Variants in NAALADL2 observed in about 807,000 individuals in gnomAD.
NAALADL2 encodes N-acetylated alpha-linked acidic dipeptidase like 2.
NAALADL2 carries 76 observed loss-of-function variants against 87.2 expected under a neutral mutation model. The observed-to-expected ratio is 0.87, with a 90% CI of 0.72 to 1.05. The LOEUF is 1.05. NAALADL2 is among the 50% of genes least tolerant of loss of function. NAALADL2 has a pLI of 0.00. For synonymous variants in NAALADL2, 354 were observed against 331.0 expected (o/e 1.07, Z -0.75); for missense variants, 1,089 against 945.8 (o/e 1.15, Z -1.99).
chr3:174,812,880 TA>T (rs1375255220), intron 3 of NAALADL2, among the ~76,000 whole-genome samples: 1 of 152,074 alleles, frequency 6.6e-6, no homozygotes, highest in African/African-American at 2.4e-5. Context: ...AGCTCTACAA[TA>T]TATTTATGTT....
Position 174,768,050 on chromosome 3 carries a change from G to A in NAALADL2, c.-9+30304G>A, listed in dbSNP as rs187387831. On this transcript the variant is annotated intron_variant, in intron 3 of 3. Transcript: ENST00000434257. ...ACATTTTGATGTAGGTTAAATAAAC[G>A]TACTAGGAGAAGCAAGTCACCCAAG... Among the ~76,000 whole-genome samples the A allele has an allele frequency of 2.1e-3, 322 of 152,238 alleles. 1 individual carries two copies. The highest frequency in any genetic ancestry group is 7.5e-3 in the African/African-American group (311 of 41,548).
At chr3:174,910,638 T>C (rs766119903) in intron 1 of NAALADL2, among the ~76,000 whole-genome samples, 11 of 152,048 alleles carry the variant, frequency 7.2e-5, no homozygotes, top group Non-Finnish European at 1.2e-4. Context: ...GATGACGCTC[T>C]GTGGAATAGT....
chr3:175,344,882 C>A (rs1415356053), intron 5 of NAALADL2, among the ~76,000 whole-genome samples: 1 of 152,034 alleles, frequency 6.6e-6, no homozygotes, highest in Non-Finnish European at 1.5e-5. Context: ...AACTTCATAA[C>A]AATAAATGAT....
chr3:175,758,308 T>C (rs1343599560), intron 13 of NAALADL2, among the ~76,000 whole-genome samples: 2 of 152,050 alleles, frequency 1.3e-5, no homozygotes, highest in South Asian at 2.1e-4. Flanking sequence ...TCTTTTGAAA[T>C]TGTGCTAAGC....
At chr3:175,332,656 G>A (rs912834572) in intron 5 of NAALADL2, among the ~76,000 whole-genome samples, 1 of 152,186 alleles carries the variant, frequency 6.6e-6, no homozygotes, top group African/African-American at 2.4e-5. Context: ...TTAACATATA[G>A]TCTTTCATGG....
intron 1 of NAALADL2, among the ~76,000 whole-genome samples, chr3:174,934,148 T>TCTA (rs570798309): frequency 6.6e-6 from 1 of 152,284 alleles, no homozygotes; most frequent in African/African-American, 2.4e-5. Context: ...ATTTAGTTCT[T>TCTA]CTACTACTAC....
chr3:174,486,517 G>A (rs766324090), intron 1 of NAALADL2, among the ~76,000 whole-genome samples: 6 of 152,088 alleles, frequency 3.9e-5, no homozygotes, highest in Middle Eastern at 3.4e-3. Context: ...AAGTTTCTGC[G>A]TGTGAATTTC....
chr3:174,826,028 A>AAACAACAACAAC (rs71624294), intron 3 of NAALADL2, among the ~76,000 whole-genome samples: 1 of 150,458 alleles, frequency 6.6e-6, no homozygotes, highest in Admixed American at 6.6e-5. Flanking sequence ...ACTCCATCTC[A>AAACAACAACAAC]AACAACAACA....
intron 5 of NAALADL2, among the ~76,000 whole-genome samples, chr3:175,418,916 C>T (rs533367209): frequency 1.3e-5 from 2 of 152,030 alleles, no homozygotes; most frequent in South Asian, 2.1e-4. Context: ...TCGAGAGCAA[C>T]GGCAGGCAAC....
At chr3:174,730,987 C>G (rs959467492) in intron 2 of NAALADL2, among the ~76,000 whole-genome samples, 3 of 151,976 alleles carry the variant, frequency 2.0e-5, no homozygotes, top group African/African-American at 7.2e-5. Context: ...TATTATAACA[C>G]AATTATAAAT....
At chr3:174,859,087 T>A (rs2109523105), upstream of NAALADL2, among the ~76,000 whole-genome samples, 1 of 152,256 alleles carries the variant, frequency 6.6e-6, no homozygotes, top group South Asian at 2.1e-4. Context: ...ATCAATGCTC[T>A]TTTAGGGGAA....
intron 11 of NAALADL2, among the ~76,000 whole-genome samples, chr3:175,639,186 C>T (rs1273630721): frequency 1.3e-5 from 2 of 152,072 alleles, no homozygotes; most frequent in Non-Finnish European, 2.9e-5. Context: ...AGTTAAGTAA[C>T]AGGAATTAAG....
At chr3:175,758,562 A>G (rs62286124) in intron 13 of NAALADL2, among the ~76,000 whole-genome samples, 14,507 of 151,904 alleles carry the variant, frequency 0.096, 733 homozygotes, top group African/African-American at 0.12. Flanking sequence ...TTTTCTTGAT[A>G]GATAATTCAC....
At chr3:175,520,095 A>G (rs1460941666) in intron 9 of NAALADL2, among the ~76,000 whole-genome samples, 2 of 152,154 alleles carry the variant, frequency 1.3e-5, no homozygotes, top group Non-Finnish European at 2.9e-5. Flanking sequence ...GCACATGTGG[A>G]AAGCTCTAGA....
intron 3 of NAALADL2, among the ~76,000 whole-genome samples, chr3:174,810,916 C>T (rs1242446070): frequency 8.5e-5 from 13 of 152,190 alleles, no homozygotes; most frequent in African/African-American, 2.4e-4. Flanking sequence ...CCACCCTGTG[C>T]AGCCTTAGGC....
intron 10 of NAALADL2, among the ~76,000 whole-genome samples, chr3:175,587,344 T>C (rs1720681014): frequency 6.6e-6 from 1 of 152,316 alleles, no homozygotes; most frequent in East Asian, 1.9e-4. Flanking sequence ...AAACTCATAA[T>C]GTTAAAGGGT....
At chr3:175,203,640 G>T (rs148068377) in intron 2 of NAALADL2, among the ~76,000 whole-genome samples, 6 of 152,194 alleles carry the variant, frequency 3.9e-5, no homozygotes, top group African/African-American at 1.4e-4. Flanking sequence ...CCACAATCTA[G>T]TCCTGCCTCC....
intron 3 of NAALADL2, among the ~76,000 whole-genome samples, chr3:174,778,931 G>T (rs1715583046): frequency 6.6e-6 from 1 of 152,068 alleles, no homozygotes; most frequent in African/African-American, 2.4e-5. Flanking sequence ...CAGTGCCACA[G>T]TAAACATATG....
intron 2 of NAALADL2, among the ~76,000 whole-genome samples, chr3:174,579,924 G>T (rs912057828): frequency 1.3e-5 from 2 of 151,956 alleles, no homozygotes; most frequent in South Asian, 4.1e-4. Flanking sequence ...GGAGCCTGGA[G>T]ATTTCATATA....
Sources: gnomAD v4.1 joint callset for allele counts (sites outside exome capture counted in the v4.1 genomes callset) on GRCh38, gnomAD v4.1.1 for gene constraint, MANE v1.5 for transcripts, NCBI Gene and HGNC (gene_info 2026-07-23, HGNC 2026-07-21) for gene names.